The following TAB2 variants were observed in gnomAD, a reference collection of about 807,000 sequenced individuals.
The protein encoded by TAB2 is TGF-beta-activated kinase 1 and MAP3K7-binding protein 2.
A neutral mutation model predicts 65.0 loss-of-function variants in TAB2; 3 were observed. The observed-to-expected ratio is 0.05, with a 90% CI of 0.02 to 0.12. The LOEUF (loss-of-function observed/expected upper bound fraction) is 0.12. Among genes scored for constraint, TAB2 ranks in the 10% least tolerant of loss-of-function variants. TAB2 has a pLI of 1.00. For missense variants in TAB2, 623 were observed against 840.3 expected (o/e 0.74, Z 3.20); for synonymous variants, 298 against 285.1 (o/e 1.05, Z -0.46).
chr6:149,228,041 G>A (rs552388418), intron 1 of TAB2, among the ~76,000 whole-genome samples: 4 of 151,780 alleles, frequency 2.6e-5, no homozygotes, highest in East Asian at 3.9e-4. Context: ...TGAGTGAAAC[G>A]TCCCACCATA....
intron 1 of TAB2, among the ~76,000 whole-genome samples, chr6:149,278,572 G>A (rs962181175): frequency 6.6e-6 from 1 of 152,194 alleles, no homozygotes; most frequent in African/African-American, 2.4e-5. Context: ...AGATAGTCTT[G>A]AAGAATGGCT....
intron 2 of TAB2, chr6:149,372,478 T>C (rs957805693): frequency 6.6e-6 from 1 of 152,174 alleles, no homozygotes; most frequent in African/African-American, 2.4e-5. Context: ...ATAAATTATC[T>C]ATTTAAAAAT....
intron 6 of TAB2, among the ~76,000 whole-genome samples, chr6:149,406,289 G>A (rs1364615400): frequency 6.6e-6 from 1 of 152,188 alleles, no homozygotes; most frequent in Non-Finnish European, 1.5e-5. Flanking sequence ...GTAGGACTAG[G>A]AAAGTATGAA....
chr6:149,349,475 A>AC (rs1780419813), intron 1 of TAB2, among the ~76,000 whole-genome samples: 1 of 151,144 alleles, frequency 6.6e-6, no homozygotes, highest in Non-Finnish European at 1.5e-5. Flanking sequence ...CAGTAATGTG[A>AC]CTGGGTGTGA....
intron 2 of TAB2, among the ~76,000 whole-genome samples, chr6:149,376,144 T>A (rs917922969): frequency 6.6e-6 from 1 of 152,208 alleles, no homozygotes; most frequent in Admixed American, 6.5e-5. Flanking sequence ...GTGTTGACAA[T>A]TTATATTATT....
Position 149,375,649 on chromosome 6 carries a change from C to T in TAB2, c.103-2369C>T, listed in dbSNP as rs192141682. ...GTGAGAGGAAGATAAACTCTCTGAG[C>T]TTTGGCTTAGAAGGAAGAAGAATTT... On this transcript the variant is annotated intron_variant, in intron 2 of 6. Transcript: ENST00000637181. Among the ~76,000 whole-genome samples, 48 of 152,072 alleles carry T rather than the reference C, an allele frequency of 3.2e-4. No homozygotes were observed. In the East Asian group the frequency reaches 8.3e-3, roughly 26 times the overall value.
intron 1 of TAB2, chr6:149,257,261 T>G (rs1397120315): frequency 1.3e-5 from 2 of 152,180 alleles, no homozygotes; most frequent in Non-Finnish European, 2.9e-5. Context: ...TCAAAATACA[T>G]GCACTCAGGA....
chr6:149,271,541 C>G (rs1778364594), intron 1 of TAB2, among the ~76,000 whole-genome samples: 1 of 152,296 alleles, frequency 6.6e-6, no homozygotes, highest in East Asian at 1.9e-4. Context: ...CAAGCTACTT[C>G]CTTTTTAGGA....
chr6:149,363,479 A>G (rs190670710), intron 1 of TAB2, among the ~76,000 whole-genome samples: 4 of 152,294 alleles, frequency 2.6e-5, no homozygotes, highest in South Asian at 2.1e-4. Context: ...AACTGTTTAC[A>G]TGTTTTCTTT....
intron 5 of TAB2, among the ~76,000 whole-genome samples, chr6:149,398,558 A>C (rs1267752924): frequency 6.6e-6 from 1 of 152,166 alleles, no homozygotes; most frequent in Non-Finnish European, 1.5e-5. Context: ...TTTTATTTTT[A>C]TTCTTTTTAA....
At position 149,361,309 on chromosome 6, in the gene TAB2, T is replaced by A. The variant is rs551877742; in HGVS notation, c.-89-8600T>A. Reference sequence around the variant, plus strand: ...TCTAGGTGGAGGCTGCCAAGCCTCCTTCACTCTTGCACTGTGCACACCTGT... The same window carrying A: ...TCTAGGTGGAGGCTGCCAAGCCTCCATCACTCTTGCACTGTGCACACCTGT... On this transcript the variant is annotated intron_variant, in intron 1 of 6. Coordinates refer to ENST00000637181, the MANE Select transcript of TAB2 (RefSeq NM_001292034.3). 2.6e-5 allele frequency among the ~76,000 whole-genome samples: 4 copies of A among 152,330 alleles called. No individual in the cohort carries two copies. In the East Asian group the frequency reaches 7.7e-4, roughly 29 times the overall value.
At chr6:149,379,864 G>A in intron 3 of TAB2, 2 of 452,740 alleles carry the variant, frequency 4.4e-6, no homozygotes, top group South Asian at 3.1e-5. Flanking sequence ...AAAATTCCTA[G>A]AAATAACGTT....
intron 6 of TAB2, chr6:149,400,347 C>T (rs748960494): frequency 6.3e-7 from 1 of 1,597,706 alleles, no homozygotes; most frequent in Non-Finnish European, 8.5e-7. Flanking sequence ...GCGGACCCGC[C>T]ACCTCTTTTG....
At chr6:149,234,586 T>C (rs1433007407) in intron 1 of TAB2, among the ~76,000 whole-genome samples, 1 of 152,200 alleles carries the variant, frequency 6.6e-6, no homozygotes, top group Non-Finnish European at 1.5e-5. Context: ...CTGCCGCATG[T>C]ACCTTGCAAA....
intron 1 of TAB2, chr6:149,291,669 T>A (rs1778780227): frequency 6.6e-6 from 1 of 152,378 alleles, no homozygotes; most frequent in Admixed American, 6.5e-5. Flanking sequence ...GAGATCAGCC[T>A]GGCCAACATG....
chr6:149,401,149 A>G (rs1277538012), intron 6 of TAB2: 1 of 168,732 alleles, frequency 5.9e-6, no homozygotes, highest in Non-Finnish European at 1.4e-5. Flanking sequence ...TTGTGTACAT[A>G]GCTGTTACAT....
At chr6:149,383,000 C>A (rs953024135) in intron 3 of TAB2, among the ~76,000 whole-genome samples, 1 of 151,832 alleles carries the variant, frequency 6.6e-6, no homozygotes, top group Admixed American at 6.6e-5. Context: ...ACTAAAAATA[C>A]AAAAATTAGC....
At chr6:149,395,098 C>T (rs980787816) in intron 3 of TAB2, among the ~76,000 whole-genome samples, 9 of 152,252 alleles carry the variant, frequency 5.9e-5, no homozygotes, top group Admixed American at 2.0e-4. Flanking sequence ...ATCTCTGCTA[C>T]CGTGGTAACG....
Position 149,379,208 on chromosome 6 carries a change from C to T in TAB2, c.1293C>T (p.Ala431=), listed in dbSNP as rs1315659462. ...CTGGGCAAGTGAGCATGGGTCCTGCCTTTATTCATCACCATCCTCCCAAAA... is the reference window on the plus strand; with the variant it reads ...CTGGGCAAGTGAGCATGGGTCCTGCTTTTATTCATCACCATCCTCCCAAAA... ...NMSGQVSMGP[A]FIHHHPPKSR... is the part of the protein sequence containing the mutation. The change falls in exon 3 of 7, where the codon GCC becomes GCT. Residue 431 remains alanine, a synonymous_variant. Transcript: ENST00000637181. 1 of 1,614,076 alleles carries T rather than the reference C, an allele frequency of 6.2e-7. No individual in the cohort carries two copies. The highest frequency in any genetic ancestry group is 8.5e-7 in the Non-Finnish European group (1 of 1,180,046).
Sources: gnomAD v4.1 joint callset for allele counts (sites outside exome capture counted in the v4.1 genomes callset) on GRCh38, gnomAD v4.1.1 for gene constraint, MANE v1.5 for transcripts, NCBI Gene and HGNC (gene_info 2026-07-23, HGNC 2026-07-21) for gene names.